IL1RAPL1: variants seen among roughly 807,000 people sequenced by gnomAD.
IL1RAPL1 encodes interleukin 1 receptor accessory protein like 1, also known as interleukin-1 receptor accessory protein-like 1.
IL1RAPL1 carries 3 observed loss-of-function variants against 48.4 expected under a neutral mutation model. The ratio of observed to expected loss-of-function variants is 0.06; its 90% confidence interval spans 0.03 to 0.16. IL1RAPL1 has a LOEUF of 0.16. Ranked by LOEUF, IL1RAPL1 falls within the 10% of genes least tolerant of loss-of-function variation. IL1RAPL1 has a pLI of 1.00. For synonymous variants in IL1RAPL1, 185 were observed against 187.7 expected (o/e 0.99, Z 0.12); for missense variants, 349 against 530.6 (o/e 0.66, Z 3.36).
intron 3 of IL1RAPL1, among the ~76,000 whole-genome samples, chrX:29,380,747 T>C (rs1324583444): frequency 8.9e-6 from 1 of 112,106 alleles, no homozygotes; most frequent in Non-Finnish European, 1.9e-5. Context: ...CACTACTACA[T>C]TCCGAGTATC....
chrX:29,805,542 C>T (rs1192638131), intron 6 of IL1RAPL1, among the ~76,000 whole-genome samples: 1 of 111,042 alleles, frequency 9.0e-6, no homozygotes, highest in Non-Finnish European at 1.9e-5. Context: ...ATTGGGAAAA[C>T]GATCTATATT....
chrX:28,876,594 A>G (rs893825285), intron 2 of IL1RAPL1, among the ~76,000 whole-genome samples: 2 of 111,703 alleles, frequency 1.8e-5, no homozygotes, highest in South Asian at 7.5e-4. Context: ...CACTGGCCCC[A>G]AGCTGGCAGC....
chrX:29,154,900 C>T (rs910167195), intron 2 of IL1RAPL1, among the ~76,000 whole-genome samples: 3 of 111,429 alleles, frequency 2.7e-5, no homozygotes, highest in African/African-American at 9.8e-5. Context: ...ATACTTAGTA[C>T]CCCCATTTAA....
intron 2 of IL1RAPL1, among the ~76,000 whole-genome samples, chrX:28,915,943 G>GTGTA (rs1194104306): frequency 1.7e-4 from 17 of 102,291 alleles, no homozygotes; most frequent in African/African-American, 6.0e-4. Context: ...ATATGTATGT[G>GTGTA]TATATATATA....
chrX:29,391,955 G>A (rs1157086387), intron 3 of IL1RAPL1, among the ~76,000 whole-genome samples: 1 of 112,214 alleles, frequency 8.9e-6, no homozygotes, highest in African/African-American at 3.2e-5. Context: ...ATTGAAAGAA[G>A]TAACTTTATG....
At chrX:29,669,722 G>A (rs1926093645) in intron 6 of IL1RAPL1, among the ~76,000 whole-genome samples, 1 of 111,396 alleles carries the variant, frequency 9.0e-6, no homozygotes, top group Admixed American at 9.6e-5. Context: ...TTGAATTAAT[G>A]TCATATAAAT....
At chrX:28,698,552 A>C (rs1197183152) in intron 1 of IL1RAPL1, among the ~76,000 whole-genome samples, 2 of 111,608 alleles carry the variant, frequency 1.8e-5, no homozygotes, top group African/African-American at 6.5e-5. Context: ...CTTTTGTTTT[A>C]TATAAAAATC....
Position 28,815,841 on chromosome X carries a change from A to ATGTGTG in IL1RAPL1, c.82+26417_82+26418insGTGTGT, listed in dbSNP as rs1331794644. Among the ~76,000 whole-genome samples the ATGTGTG allele has an allele frequency of 2.3e-3, 49 of 21,096 alleles. 1 individual carries two copies. Among genetic ancestry groups the ATGTGTG allele is most frequent in the African/African-American group, 0.011 (48 of 4,336 alleles). 18.3% of individuals were successfully genotyped at this position (21,096 alleles called of 115,157 possible). A position where few individuals can be genotyped will look rare whatever the true frequency, so the allele number is the denominator to read the frequency against. On this transcript the variant is annotated intron_variant, in intron 2 of 10. Transcript: ENST00000378993. Reference sequence around the variant, plus strand: ...ATTGTGTATGTATGTGTGTTTATGTATATATATATATATATATATATATAT... The same window carrying ATGTGTG: ...ATTGTGTATGTATGTGTGTTTATGTATGTGTGTATATATATATATATATATATATAT...
rs753582623 is a variant in IL1RAPL1 at position 29,776,944 on chromosome X, C to A, written c.778+108440C>A. On this transcript the variant is annotated intron_variant, in intron 6 of 10. Transcript: ENST00000378993. ...ATATCAGTTGATGACTCACCGGGAT[C>A]AGGTACAGTTAAAACTTGCTCTCCA... Among the ~76,000 whole-genome samples the A allele has an allele frequency of 3.6e-5, 4 of 111,991 alleles. No individual in the cohort carries two copies. The East Asian group carries it at 1.1e-3, about 31-fold the overall frequency.
intron 5 of IL1RAPL1, among the ~76,000 whole-genome samples, chrX:29,603,241 G>C (rs941244231): frequency 1.2e-4 from 12 of 102,746 alleles, no homozygotes; most frequent in Non-Finnish European, 2.2e-4. Flanking sequence ...CCTCCAGCCT[G>C]GGTGACAAAG....
chrX:28,948,668 A>G (rs1301548984), intron 2 of IL1RAPL1, among the ~76,000 whole-genome samples: 1 of 111,661 alleles, frequency 9.0e-6, no homozygotes, highest in Non-Finnish European at 1.9e-5. Flanking sequence ...CACCTTTAAC[A>G]TTAATGCAGT....
intron 6 of IL1RAPL1, among the ~76,000 whole-genome samples, chrX:29,845,338 G>A (rs759790549): frequency 8.9e-6 from 1 of 111,760 alleles, no homozygotes; most frequent in Middle Eastern, 4.6e-3. Context: ...CAGAAAGCCA[G>A]GGGGAAGAGT....
chrX:29,583,060 T>G (rs1402605670), intron 5 of IL1RAPL1, among the ~76,000 whole-genome samples: 2 of 104,084 alleles, frequency 1.9e-5, no homozygotes, highest in East Asian at 6.1e-4. Flanking sequence ...CACCTGTTGT[T>G]TCCTGACTTT....
At chrX:28,943,455 G>C (rs1924216372) in intron 2 of IL1RAPL1, among the ~76,000 whole-genome samples, 1 of 110,114 alleles carries the variant, frequency 9.1e-6, no homozygotes, top group Non-Finnish European at 1.9e-5. Flanking sequence ...AATGAGAGAA[G>C]TAGATGTCAT....
At chrX:29,903,208 A>C (rs780424599) in intron 6 of IL1RAPL1, among the ~76,000 whole-genome samples, 1 of 95,945 alleles carries the variant, frequency 1.0e-5, no homozygotes, top group African/African-American at 3.6e-5. Context: ...GAGAGAGACA[A>C]AGAAATTCTT....
At chrX:28,645,326 AACAAGAGTG>A (rs1934594757) in intron 1 of IL1RAPL1, among the ~76,000 whole-genome samples, 1 of 90,412 alleles carries the variant, frequency 1.1e-5, no homozygotes, top group Non-Finnish European at 2.1e-5. Flanking sequence ...CAGCCTGGGC[AACAAGAGTG>A]AAATTCCGCC....
intron 6 of IL1RAPL1, among the ~76,000 whole-genome samples, chrX:29,695,205 A>C (rs1926877531): frequency 8.9e-6 from 1 of 112,062 alleles, no homozygotes; most frequent in Non-Finnish European, 1.9e-5. Flanking sequence ...CTAGATTATA[A>C]ATCACATTTT....
At chrX:28,607,527 G>A (rs1569137270) in intron 1 of IL1RAPL1, among the ~76,000 whole-genome samples, 1 of 110,571 alleles carries the variant, frequency 9.0e-6, no homozygotes, top group Non-Finnish European at 1.9e-5. Flanking sequence ...TCAACCACCA[G>A]AAAAAAAGGT....
chrX:29,184,014 A>C (rs191576360), intron 2 of IL1RAPL1, among the ~76,000 whole-genome samples: 28 of 112,287 alleles, frequency 2.5e-4, no homozygotes, highest in African/African-American at 7.8e-4. Flanking sequence ...TAAAAACAAA[A>C]CAAAACTTTT....
Sources: allele counts gnomAD v4.1 joint callset (sites outside exome capture counted in the v4.1 genomes callset), GRCh38; gene constraint gnomAD v4.1.1; transcripts MANE v1.5; gene names NCBI Gene and HGNC (gene_info 2026-07-23, HGNC 2026-07-21).